ACCSL: variants seen among roughly 807,000 people sequenced by gnomAD.
ACCSL encodes the protein 1-aminocyclopropane-1-carboxylate synthase homolog (inactive) like.
Under a neutral mutation model 61.7 loss-of-function variants are expected in ACCSL, and 55 were observed. The observed-to-expected ratio is 0.89, with a 90% CI of 0.72 to 1.12. The LOEUF (loss-of-function observed/expected upper bound fraction) is 1.12. Among genes scored for constraint, ACCSL ranks in the 50% most tolerant of loss-of-function variants. The probability of loss-of-function intolerance (pLI) is 0.00; values close to 1 mark genes in which losing one functional copy is unlikely to be tolerated. For synonymous variants in ACCSL, 258 were observed against 264.3 expected (o/e 0.98, Z 0.23); for missense variants, 632 against 698.0 (o/e 0.91, Z 1.07).
Position 44,056,034 on chromosome 11 carries a change from C to G in ACCSL, c.1140-6C>G. ...ACCTTAGTTAATTTTTCCACTTCTTCTTCAGTTTGCCTGATAGCAACAGGA... is the reference window on the plus strand; with the variant it reads ...ACCTTAGTTAATTTTTCCACTTCTTGTTCAGTTTGCCTGATAGCAACAGGA... On this transcript the variant is annotated splice_region_variant and splice_polypyrimidine_tract_variant and intron_variant, in intron 9 of 13. Transcript: ENST00000378832. The G allele has an allele frequency of 6.2e-7, 1 of 1,614,188 alleles. No homozygotes were observed. The highest frequency in any genetic ancestry group is 2.2e-5 in the East Asian group (1 of 44,888).
At chr11:43,991,503 C>T in the ACCSL span, among the ~76,000 whole-genome samples, 3 of 139,632 alleles carry the variant, frequency 2.1e-5, no homozygotes, top group South Asian at 7.3e-4. Context: ...ATCCAATATA[C>T]ACCCCCCTGG....
intron 9 of ACCSL, 70 bp downstream of exon 9, chr11:44,055,361 G>C: frequency 8.1e-7 from 1 of 1,237,900 alleles, no homozygotes; most frequent in Non-Finnish European, 1.2e-6. Flanking sequence ...GAGTTTATGT[G>C]ACATGAACTT....
the ACCSL span, among the ~76,000 whole-genome samples, chr11:43,991,421 T>C: frequency 6.6e-6 from 1 of 152,202 alleles, no homozygotes; most frequent in Non-Finnish European, 1.5e-5. Flanking sequence ...GTGAGGATGG[T>C]GTCATTCAAT....
the ACCSL span, chr11:43,943,422 C>A: frequency 6.9e-7 from 1 of 1,443,774 alleles, no homozygotes; most frequent in South Asian, 1.3e-5. The surrounding 1 kb of genome is among the most constrained non-coding windows in gnomAD (Gnocchi z 4.8). Context: ...CGCCCCGCTG[C>A]GAACCGGTCG....
chr11:43,992,649 A>G, the ACCSL span, among the ~76,000 whole-genome samples: 4 of 139,630 alleles, frequency 2.9e-5, no homozygotes, highest in African/African-American at 7.3e-5. Context: ...GGTATGATCA[A>G]TGTTAGAGAT....
chr11:43,929,166 G>A, the ACCSL span, among the ~76,000 whole-genome samples: 1 of 152,218 alleles, frequency 6.6e-6, no homozygotes, highest in Non-Finnish European at 1.5e-5. Context: ...CTATTCTTAT[G>A]AAATAGTGTG....
the ACCSL span, among the ~76,000 whole-genome samples, chr11:43,954,541 G>T: frequency 2.0e-5 from 3 of 151,926 alleles, no homozygotes; most frequent in Admixed American, 2.0e-4. Context: ...ATGCAGATGG[G>T]TTCTCTACCT....
Position 44,048,334 on chromosome 11 carries a change from G to A in ACCSL, c.298G>A (p.Asp100Asn), listed in dbSNP as rs201604433. 341 of 1,613,906 alleles carry A rather than the reference G, an allele frequency of 2.1e-4. No individual in the cohort carries two copies. The highest frequency in any genetic ancestry group is 7.7e-4 in the Admixed American group (46 of 60,002). ...GCTCCAAGTGCCTCTTCCTTCTGAG[G>A]ACTCTAGGGGTGATGTCAGATATGG... ...LELQVPLPSE[D>N]SRGDVRYGQR... Residue 100 changes from aspartate to asparagine, a missense_variant, in exon 1 of 14, where the codon GAC becomes AAC. Transcript: ENST00000378832.
At chr11:43,982,389 G>A in the ACCSL span, among the ~76,000 whole-genome samples, 5 of 151,664 alleles carry the variant, frequency 3.3e-5, no homozygotes, top group African/African-American at 1.2e-4. Context: ...CCCCATGCCC[G>A]GCTAATTTTT....
chr11:43,987,823 C>T, the ACCSL span, among the ~76,000 whole-genome samples: 283 of 152,302 alleles, frequency 1.9e-3, 5 homozygotes, highest in Admixed American at 0.014. Flanking sequence ...GGTGGAATCC[C>T]GACAGAAGTT....
intron 6 of ACCSL, 24 bp downstream of exon 6, chr11:44,052,783 C>T: frequency 6.3e-7 from 1 of 1,593,208 alleles, no homozygotes; most frequent in Non-Finnish European, 8.6e-7. Flanking sequence ...CCCTTCCCTG[C>T]TCAGTATGCC....
the ACCSL span, among the ~76,000 whole-genome samples, chr11:44,007,760 G>C: frequency 1.3e-5 from 2 of 152,022 alleles, no homozygotes; most frequent in Non-Finnish European, 2.9e-5. Flanking sequence ...GCCCTTGCTG[G>C]TTTGTGGTGT....
At chr11:44,034,327 G>A in the ACCSL span, among the ~76,000 whole-genome samples, 2 of 152,176 alleles carry the variant, frequency 1.3e-5, no homozygotes, top group Admixed American at 1.3e-4. Flanking sequence ...ATTTTGACAT[G>A]GCCCCTGGCT....
At chr11:44,014,162 A>G in the ACCSL span, among the ~76,000 whole-genome samples, 1 of 152,176 alleles carries the variant, frequency 6.6e-6, no homozygotes, top group Non-Finnish European at 1.5e-5. Context: ...CGCATCTTAC[A>G]TCTTAAGACC....
At chr11:43,982,111 A>G in the ACCSL span, among the ~76,000 whole-genome samples, 2 of 151,924 alleles carry the variant, frequency 1.3e-5, no homozygotes, top group Non-Finnish European at 2.9e-5. Flanking sequence ...GGCTAACTGC[A>G]GCCTGGGAGC....
the ACCSL span, among the ~76,000 whole-genome samples, chr11:43,975,796 G>A: frequency 2.0e-5 from 3 of 152,152 alleles, no homozygotes; most frequent in Non-Finnish European, 4.4e-5. Flanking sequence ...CCATAAAAAA[G>A]AAAGGATGAC....
At chr11:44,004,894 C>G in the ACCSL span, among the ~76,000 whole-genome samples, 5 of 152,298 alleles carry the variant, frequency 3.3e-5, no homozygotes, top group Admixed American at 3.3e-4. Context: ...TCTAGGAGTT[C>G]TTTCCCATCG....
the ACCSL span, among the ~76,000 whole-genome samples, chr11:43,930,483 C>A: frequency 0.015 from 2,292 of 152,232 alleles, 47 homozygotes; most frequent in African/African-American, 0.051. Context: ...TGAGTGAGTT[C>A]TTGCTCTGTT....
At chr11:43,925,118 G>A in the ACCSL span, 2 of 218,504 alleles carry the variant, frequency 9.2e-6, no homozygotes, top group Non-Finnish European at 1.9e-5. Flanking sequence ...TGAATGTGTG[G>A]CTTCTTGCTC....
Sources: gnomAD v4.1 joint callset for allele counts (sites outside exome capture counted in the v4.1 genomes callset) on GRCh38, gnomAD v4.1.1 for gene constraint, Gnocchi (gnomAD v3.1) non-coding constraint, MANE v1.5 for transcripts, NCBI Gene and HGNC (gene_info 2026-07-23, HGNC 2026-07-21) for gene names.